MFHAS1: variants seen among roughly 807,000 people sequenced by gnomAD.
MFHAS1 encodes multifunctional ROCO family signaling regulator 1.
A neutral mutation model predicts 70.4 loss-of-function variants in MFHAS1; 50 were observed. The observed-to-expected ratio is 0.71, with a 90% CI of 0.57 to 0.90. The LOEUF (loss-of-function observed/expected upper bound fraction) is 0.90. Ranked by LOEUF, MFHAS1 falls within the 40% of genes least tolerant of loss-of-function variation. MFHAS1 has a pLI of 0.00. For synonymous variants in MFHAS1, 952 were observed against 620.0 expected, an observed-to-expected ratio of 1.54 and a Z score of -7.96; for missense variants, 1,795 against 1,347.6, an observed-to-expected ratio of 1.33 and a Z score of -5.20.
Position 8,891,620 on chromosome 8 carries a change from C to T in MFHAS1, c.1439G>A (p.Gly480Glu), listed in dbSNP as rs769107358. 1 of 1,613,592 alleles carries T rather than the reference C, an allele frequency of 6.2e-7. No individual in the cohort carries two copies. Among genetic ancestry groups the T allele is most frequent in the Non-Finnish European group, 8.5e-7 (1 of 1,180,038 alleles). ...GLRFIVYDLA[G>E]DESYEVIQPF... ...CTGGATCACCTCATAACTTTCATCCCCAGCTAAGTCATACACGATGAACCG... is the reference window on the plus strand; with the variant it reads ...CTGGATCACCTCATAACTTTCATCCTCAGCTAAGTCATACACGATGAACCG... Residue 480 changes from glycine (G) to glutamate (E), a missense_variant, in exon 1 of 3, where the codon GGG (glycine) becomes GAG (glutamate). Coordinates refer to ENST00000276282, the MANE Select transcript of MFHAS1 (RefSeq NM_004225.3). The surrounding 1 kb of genome is among the most constrained non-coding windows in gnomAD (Gnocchi z 5.4).
chr8:8,829,302 G>A (rs192186918), intron 1 of MFHAS1, among the ~76,000 whole-genome samples: 3 of 152,306 alleles, frequency 2.0e-5, no homozygotes, highest in African/African-American at 7.2e-5. Flanking sequence ...TCTCCGTGCA[G>A]CTCAGCACCC....
At chr8:8,791,264 C>T (rs1805711937) in intron 2 of MFHAS1, among the ~76,000 whole-genome samples, 2 of 151,866 alleles carry the variant, frequency 1.3e-5, no homozygotes, top group South Asian at 4.1e-4. Context: ...GCAGGAGAAA[C>T]GTCAACCATC....
At chr8:8,844,459 C>T (rs927016045) in intron 1 of MFHAS1, among the ~76,000 whole-genome samples, 4 of 152,224 alleles carry the variant, frequency 2.6e-5, no homozygotes, top group Non-Finnish European at 4.4e-5. Flanking sequence ...TAGGCATATA[C>T]ACAGCACACC....
rs536878984 is a variant in MFHAS1 at position 8,863,702 on chromosome 8, C to A, written c.2998+26359G>T. Among the ~76,000 whole-genome samples the A allele has an allele frequency of 3.3e-5, 5 of 152,302 alleles. No homozygotes were observed. In the South Asian group the frequency reaches 6.2e-4, roughly 19 times the overall value. On this transcript the variant is annotated intron_variant, in intron 1 of 2. Coordinates refer to ENST00000276282, the MANE Select transcript of MFHAS1 (RefSeq NM_004225.3). ...ACTGGTCCTTAACCCAGACCATGGC[C>A]TGTTTTCACTAAGAGTCTGGCCCTT...
At chr8:8,796,599 G>C (rs1247321265) in intron 2 of MFHAS1, among the ~76,000 whole-genome samples, 7 of 147,826 alleles carry the variant, frequency 4.7e-5, no homozygotes. Context: ...CAGGAGAATG[G>C]CCCGAACCCG....
chr8:8,813,939 CTTT>C (rs902619137), intron 1 of MFHAS1, among the ~76,000 whole-genome samples: 6 of 138,536 alleles, frequency 4.3e-5, no homozygotes, highest in Admixed American at 7.3e-5. Context: ...ACATTTTTAT[CTTT>C]TTTTTTTTTT....
chr8:8,890,006 C>T (rs1809924127), intron 1 of MFHAS1, 55 bp downstream of exon 1: 2 of 1,410,568 alleles, frequency 1.4e-6, no homozygotes, highest in East Asian at 2.3e-5. Flanking sequence ...CCAAGTATCT[C>T]CAAAAACATA....
At chr8:8,815,637 A>C (rs1363964419) in intron 1 of MFHAS1, among the ~76,000 whole-genome samples, 1 of 152,042 alleles carries the variant, frequency 6.6e-6, no homozygotes, top group African/African-American at 2.4e-5. Context: ...GCTTTTTTTC[A>C]TATGTTTGTT....
intron 1 of MFHAS1, among the ~76,000 whole-genome samples, chr8:8,854,418 G>C (rs560355306): frequency 4.3e-4 from 65 of 152,264 alleles, no homozygotes; most frequent in East Asian, 1.9e-4. Flanking sequence ...CTACTCCGGA[G>C]GCTGAGGCAG....
At chr8:8,879,155 G>C (rs1018999783) in intron 1 of MFHAS1, among the ~76,000 whole-genome samples, 4 of 152,036 alleles carry the variant, frequency 2.6e-5, no homozygotes, top group Admixed American at 6.6e-5. Context: ...TTGAGACCAG[G>C]CTGGCCAACA....
At position 8,891,282 on chromosome 8, in the gene MFHAS1, C is replaced by T; in HGVS notation, c.1777G>A (p.Ala593Thr). The T allele has an allele frequency of 1.2e-6, 2 of 1,611,804 alleles. No homozygotes were observed. The highest frequency in any genetic ancestry group is 1.7e-6 in the Non-Finnish European group (2 of 1,180,020). The change falls in exon 1 of 3, where the codon GCA (alanine) becomes ACA (threonine). Residue 593 changes from alanine (A) to threonine (T), a missense_variant. Transcript: ENST00000276282. The surrounding 1 kb of genome is among the most constrained non-coding windows in gnomAD (Gnocchi z 5.4). The stretch of plus-strand genomic sequence containing the variant: ...TTGTCCGAAACGCCATAGTAGGCTG[C>T]GTGGGGGCTGGCAGAGCGCAGCTCG... ...DFELRSASPH[A>T]AYYGVSDKNL... is the part of the protein sequence containing the mutation.
intron 1 of MFHAS1, among the ~76,000 whole-genome samples, chr8:8,842,252 C>A (rs1396009524): frequency 6.6e-6 from 1 of 152,062 alleles, no homozygotes; most frequent in Admixed American, 6.5e-5. Flanking sequence ...GTGGCTCAAC[C>A]TCGGCTCACT....
At chr8:8,793,730 G>A (rs1370457104) in intron 2 of MFHAS1, among the ~76,000 whole-genome samples, 1 of 152,206 alleles carries the variant, frequency 6.6e-6, no homozygotes, top group Non-Finnish European at 1.5e-5. Context: ...CAGTCCTAAG[G>A]CCCCACTGGC....
intron 1 of MFHAS1, among the ~76,000 whole-genome samples, chr8:8,842,013 G>A (rs551095123): frequency 3.3e-5 from 5 of 152,132 alleles, no homozygotes; most frequent in South Asian, 2.1e-4. Flanking sequence ...GTTTCTCTAC[G>A]GTGAAAGAAT....
chr8:8,838,323 T>C (rs1807682067), intron 1 of MFHAS1, among the ~76,000 whole-genome samples: 1 of 152,194 alleles, frequency 6.6e-6, no homozygotes, highest in Admixed American at 6.5e-5. Context: ...TATTCTTGAT[T>C]GTGGTGGTAG....
chr8:8,893,126 C>T lies in MFHAS1; in HGVS notation c.-68G>A. ...CGCAGCTACATGCCGCGCCGCGCCCCGGGCCCTCCGGCTCCTGCCCCTGCC... is the reference window on the plus strand; with the variant it reads ...CGCAGCTACATGCCGCGCCGCGCCCTGGGCCCTCCGGCTCCTGCCCCTGCC... On this transcript the variant is annotated 5_prime_UTR_variant, in exon 1 of 3. Transcript: ENST00000276282. The T allele has an allele frequency of 2.5e-6, 3 of 1,190,082 alleles. No individual in the cohort carries two copies. The highest frequency in any genetic ancestry group is 2.0e-5 in the South Asian group (1 of 50,408). 73.7% of individuals were successfully genotyped at this position (1,190,082 alleles called of 1,614,324 possible).
At position 8,855,346 on chromosome 8, in the gene MFHAS1, T is replaced by C. The variant is rs1029123743; in HGVS notation, c.2998+34715A>G. 1.6e-4 allele frequency among the ~76,000 whole-genome samples: 24 copies of C among 152,336 alleles called. 1 individual carries two copies. In the East Asian group the frequency reaches 3.9e-3, roughly 25 times the overall value. ...CATGGCATCTTACCACAGGAGCTCA[T>C]TGTCTGGTGAAAGAGCCAGACCTGA... On this transcript the variant is annotated intron_variant, in intron 1 of 2. Coordinates refer to ENST00000276282, the MANE Select transcript of MFHAS1 (RefSeq NM_004225.3).
chr8:8,869,161 G>A (rs1031809086), intron 1 of MFHAS1, among the ~76,000 whole-genome samples: 1 of 152,120 alleles, frequency 6.6e-6, no homozygotes, highest in African/African-American at 2.4e-5. Context: ...ATGCCACAAG[G>A]CTGCTCTCCC....
At chr8:8,809,447 C>A (rs1344276841) in intron 1 of MFHAS1, among the ~76,000 whole-genome samples, 1 of 152,098 alleles carries the variant, frequency 6.6e-6, no homozygotes, top group African/African-American at 2.4e-5. Flanking sequence ...TGCACAAGGA[C>A]TTACACCATC....
Sources: gnomAD v4.1 joint callset for allele counts (sites outside exome capture counted in the v4.1 genomes callset) on GRCh38, gnomAD v4.1.1 for gene constraint, Gnocchi (gnomAD v3.1) non-coding constraint, MANE v1.5 for transcripts, NCBI Gene and HGNC (gene_info 2026-07-23, HGNC 2026-07-21) for gene names.